Variants in SCML4 observed in about 807,000 individuals in gnomAD.
SCML4 encodes the protein sex comb on midleg-like protein 4.
Under a neutral mutation model 41.1 loss-of-function variants are expected in SCML4, and 34 were observed. The observed-to-expected ratio is 0.83, with a 90% CI of 0.63 to 1.10. The LOEUF is 1.10. Among genes scored for constraint, SCML4 ranks in the 50% least tolerant of loss-of-function variants. The probability of loss-of-function intolerance (pLI) is 0.00; values close to 1 mark genes in which losing one functional copy is unlikely to be tolerated. For synonymous variants in SCML4, 214 were observed against 220.9 expected (o/e 0.97, Z 0.28); for missense variants, 522 against 534.1 (o/e 0.98, Z 0.22).
At chr6:107,734,432 T>C (rs1220205507) in intron 5 of SCML4, among the ~76,000 whole-genome samples, 1 of 152,238 alleles carries the variant, frequency 6.6e-6, no homozygotes, top group Non-Finnish European at 1.5e-5. Flanking sequence ...CATTGGTTAA[T>C]AGTTATGGAG....
chr6:107,721,931 G>T (rs921144926), intron 5 of SCML4, among the ~76,000 whole-genome samples: 1 of 151,608 alleles, frequency 6.6e-6, no homozygotes, highest in Non-Finnish European at 1.5e-5. Flanking sequence ...GACTTAGAAA[G>T]TCTGCCAACC....
intron 5 of SCML4, among the ~76,000 whole-genome samples, chr6:107,721,538 A>G (rs1468007880): frequency 6.6e-6 from 1 of 152,058 alleles, no homozygotes; most frequent in South Asian, 2.1e-4. Flanking sequence ...AAAGAAAAAA[A>G]AAAAGAGTAA....
chr6:107,804,899 G>A (rs534399839), intron 1 of SCML4, among the ~76,000 whole-genome samples: 2 of 152,328 alleles, frequency 1.3e-5, no homozygotes, highest in African/African-American at 4.8e-5. Flanking sequence ...GAGGCCTGGA[G>A]CTCAAGGCTG....
At chr6:107,837,229 A>G in the SCML4 span, among the ~76,000 whole-genome samples, 4 of 152,192 alleles carry the variant, frequency 2.6e-5, no homozygotes, top group Non-Finnish European at 4.4e-5. Flanking sequence ...AGGCAATGGT[A>G]TGGAACCATT....
chr6:107,775,621 T>C (rs114946579), intron 1 of SCML4, among the ~76,000 whole-genome samples: 1,707 of 152,314 alleles, frequency 0.011, 33 homozygotes, highest in African/African-American at 0.04. Context: ...TGTCCTTAAA[T>C]AAGATTTGAA....
At chr6:107,778,222 A>AAAAAAAAAAT (rs1554218145) in intron 1 of SCML4, among the ~76,000 whole-genome samples, 1 of 15,542 alleles carries the variant, frequency 6.4e-5, no homozygotes, top group Non-Finnish European at 1.5e-4. Flanking sequence ...AAAAAAAAAA[A>AAAAAAAAAAT]ATATATATAT....
the SCML4 span, among the ~76,000 whole-genome samples, chr6:107,837,909 T>C: frequency 6.8e-6 from 1 of 148,070 alleles, no homozygotes; most frequent in African/African-American, 2.5e-5. Flanking sequence ...GATTTTCTTT[T>C]TTTTTTTTTT....
chr6:107,730,822 A>C (rs1389830209), intron 5 of SCML4, among the ~76,000 whole-genome samples: 1 of 152,228 alleles, frequency 6.6e-6, no homozygotes, highest in Non-Finnish European at 1.5e-5. Flanking sequence ...CTCTAGAAGC[A>C]TGTAAACCCA....
intron 5 of SCML4, among the ~76,000 whole-genome samples, chr6:107,723,449 T>G (rs1014146648): frequency 2.0e-5 from 3 of 152,210 alleles, no homozygotes; most frequent in Non-Finnish European, 4.4e-5. Flanking sequence ...AGCATGGTTT[T>G]CAGTGAATGT....
chr6:107,764,249 AAC>A (rs1394381171), intron 2 of SCML4, among the ~76,000 whole-genome samples: 1 of 152,210 alleles, frequency 6.6e-6, no homozygotes, highest in Non-Finnish European at 1.5e-5. Flanking sequence ...GGAGATGTTA[AAC>A]ACCCAAGAGA....
chr6:107,833,403 G>T, the SCML4 span, among the ~76,000 whole-genome samples: 3 of 152,154 alleles, frequency 2.0e-5, no homozygotes, highest in African/African-American at 7.2e-5. Flanking sequence ...ACCCTGTGGA[G>T]GCTGCAGGCA....
chr6:107,799,171 C>T (rs891897825), intron 1 of SCML4, among the ~76,000 whole-genome samples: 1 of 152,150 alleles, frequency 6.6e-6, no homozygotes, highest in Non-Finnish European at 1.5e-5. Context: ...AAATCTGCAA[C>T]CATAATTGTG....
At chr6:107,788,008 A>G (rs1222859736) in intron 1 of SCML4, among the ~76,000 whole-genome samples, 1 of 152,252 alleles carries the variant, frequency 6.6e-6, no homozygotes, top group Non-Finnish European at 1.5e-5. Flanking sequence ...CCTCGGACCC[A>G]GGGAACAATC....
At chr6:107,812,411 T>C (rs768533730) in intron 1 of SCML4, among the ~76,000 whole-genome samples, 25 of 152,236 alleles carry the variant, frequency 1.6e-4, no homozygotes, top group Non-Finnish European at 3.5e-4. Context: ...TTTGTGATAT[T>C]TGCCATGTCC....
intron 6 of SCML4, among the ~76,000 whole-genome samples, chr6:107,715,631 G>A (rs1774699726): frequency 6.6e-6 from 1 of 152,152 alleles, no homozygotes; most frequent in Admixed American, 6.5e-5. Flanking sequence ...TTTCACCAGA[G>A]CATCAGCAGA....
chr6:107,735,600 A>T (rs1776985880), intron 5 of SCML4, among the ~76,000 whole-genome samples: 1 of 151,832 alleles, frequency 6.6e-6, no homozygotes, highest in African/African-American at 2.4e-5. Context: ...GGAGTTCGAG[A>T]CCACCCTGAC....
At chr6:107,831,382 G>C in the SCML4 span, among the ~76,000 whole-genome samples, 1 of 125,954 alleles carries the variant, frequency 7.9e-6, no homozygotes, top group African/African-American at 3.0e-5. Flanking sequence ...AATCTGAATA[G>C]AGATGATGCA....
chr6:107,835,222 G>A, the SCML4 span, among the ~76,000 whole-genome samples: 1,737 of 151,998 alleles, frequency 0.011, 20 homozygotes, highest in East Asian at 0.014. Context: ...TTAGCTGGGA[G>A]TGGTGGCATG....
chr6:107,817,480 G>A (rs1247243735), intron 1 of SCML4, among the ~76,000 whole-genome samples: 1 of 151,924 alleles, frequency 6.6e-6, no homozygotes, highest in Non-Finnish European at 1.5e-5. Flanking sequence ...ATCTAGGTGT[G>A]GTGGCAGGTG....
Sources: allele counts gnomAD v4.1 joint callset (sites outside exome capture counted in the v4.1 genomes callset), GRCh38; gene constraint gnomAD v4.1.1; transcripts MANE v1.5; gene names NCBI Gene and HGNC (gene_info 2026-07-23, HGNC 2026-07-21).